Variants in UTP25 observed in about 807,000 individuals in gnomAD.
UTP25 encodes U3 small nucleolar RNA-associated protein 25 homolog.
A neutral mutation model predicts 78.9 loss-of-function variants in UTP25; 50 were observed. The observed-to-expected ratio is 0.63, with a 90% confidence interval of 0.50 to 0.80. UTP25 has a LOEUF of 0.80. Among genes scored for constraint, UTP25 ranks in the 30% least tolerant of loss-of-function variants. The pLI, the probability that UTP25 is intolerant of heterozygous loss-of-function variation, is 0.00. For synonymous variants in UTP25, 329 were observed against 336.5 expected (o/e 0.98, Z 0.24); for missense variants, 846 against 911.3 (o/e 0.93, Z 0.92).
At chr1:209,846,776 C>G (rs2078199054) in intron 11 of UTP25, among the ~76,000 whole-genome samples, 1 of 152,236 alleles carries the variant, frequency 6.6e-6, no homozygotes, top group Admixed American at 6.5e-5. Flanking sequence ...GCCATGTTCT[C>G]TGTTGCCAGG....
At position 209,838,936 on chromosome 1, in the gene UTP25, G is replaced by A; in HGVS notation, c.1090G>A (p.Ala364Thr). The change falls in exon 7 of 12, where the codon GCT becomes ACT. Residue 364 changes from alanine to threonine, a missense_variant. Physicochemically the swap from Ala to Thr is moderately conservative, Grantham distance 58. Coordinates refer to ENST00000491415, the MANE Select transcript of UTP25 (RefSeq NM_014388.7). ...ACTGATAGTGGTGCCATTCCGGGAAGCTGCTTTGCGGGTGGTGCAGCTCTT... is the reference window on the plus strand; with the variant it reads ...ACTGATAGTGGTGCCATTCCGGGAAACTGCTTTGCGGGTGGTGCAGCTCTT... ...KVLIVVPFRE[A>T]ALRVVQLFIS... 1 of 1,614,130 alleles carries A rather than the reference G, an allele frequency of 6.2e-7. No individual in the cohort carries two copies. Among genetic ancestry groups the A allele is most frequent in the Middle Eastern group, 1.6e-4 (1 of 6,062 alleles).
rs1003239728 is a variant in UTP25, at chr1:209,828,229, C to T, written c.107+59C>T. 9 of 1,329,316 alleles carry T rather than the reference C, an allele frequency of 6.8e-6. No individual in the cohort carries two copies. The African/African-American group carries it at 7.2e-5, about 11-fold the overall frequency. 82.3% of individuals were successfully genotyped at this position (1,329,316 alleles called of 1,614,324 possible). A position where few individuals can be genotyped will look rare whatever the true frequency, so the allele number is the denominator to read the frequency against. ...CAGAGATGTATCCTCGAGTTTGGTC[C>T]TCTGGTCTCCCAGATAGTGCTGCTC... On this transcript the variant is annotated intron_variant, in intron 1 of 11. Coordinates refer to ENST00000491415, the MANE Select transcript of UTP25 (RefSeq NM_014388.7).
chr1:209,835,261 C>A, intron 5 of UTP25, 98 bp downstream of exon 5: 1 of 993,040 alleles, frequency 1.0e-6, no homozygotes, highest in Non-Finnish European at 1.6e-6. Flanking sequence ...ATGATATACA[C>A]CTGCAGTAGA....
At chr1:209,828,303 A>G (rs1346408388) in intron 1 of UTP25, 133 bp downstream of exon 1, 10 of 686,714 alleles carry the variant, frequency 1.5e-5, no homozygotes, top group Admixed American at 3.1e-5. Context: ...GGCCGGGGAG[A>G]TTCTGGCGCC....
At chr1:209,850,635 A>G (rs958990837) in intron 11 of UTP25, among the ~76,000 whole-genome samples, 1 of 152,212 alleles carries the variant, frequency 6.6e-6, no homozygotes, top group East Asian at 1.9e-4. Flanking sequence ...ATGGAAATGC[A>G]TACGCTGTTG....
intron 11 of UTP25, among the ~76,000 whole-genome samples, chr1:209,847,702 G>A (rs2102581508): frequency 6.6e-6 from 1 of 152,264 alleles, no homozygotes; most frequent in African/African-American, 2.4e-5. Flanking sequence ...ATCTAGTTTA[G>A]TTCTCAATTG....
Position 209,840,996 on chromosome 1 carries a change from G to A in UTP25, c.1426G>A (p.Glu476Lys), listed in dbSNP as rs775903986. The A allele has an allele frequency of 1.2e-5, 19 of 1,613,912 alleles. No homozygotes were observed. The highest frequency in any genetic ancestry group is 5.0e-5 in the Admixed American group (3 of 59,990). The change falls in exon 8 of 12, where the codon GAG (glutamate) becomes AAG (lysine). Residue 476 changes from glutamate to lysine, a missense_variant. Coordinates refer to ENST00000491415, the MANE Select transcript of UTP25 (RefSeq NM_014388.7). ...AGATTTTGACTTTCTGTCTTCTATC[G>A]AGCTTCTCATCATTGATCAAGCTGA... ...KRDFDFLSSI[E>K]LLIIDQADIY...
At chr1:209,837,259 A>G (rs200975503) in intron 6 of UTP25, 48 bp downstream of exon 6, 1 of 1,580,672 alleles carries the variant, frequency 6.3e-7, no homozygotes, top group East Asian at 2.2e-5. Flanking sequence ...GCTGCAAGGC[A>G]CTGCCATAGA....
chr1:209,835,410 C>T (rs1483992584), intron 5 of UTP25, among the ~76,000 whole-genome samples: 1 of 152,210 alleles, frequency 6.6e-6, no homozygotes, highest in Admixed American at 6.5e-5. Flanking sequence ...TGGAGACCAA[C>T]ATCTTCAAGG....
Position 209,856,611 on chromosome 1 carries a change from T to G in UTP25, c.*5164T>G, listed in dbSNP as rs1266049732. On this transcript the variant is annotated 3_prime_UTR_variant, in exon 12 of 12. Coordinates refer to ENST00000491415, the MANE Select transcript of UTP25 (RefSeq NM_014388.7). ...TTACGTGAACACACAAACACCTAAT[T>G]TGTTTAAGCCATTAGGCCAGGCCTC... 1 of 152,328 alleles carries G rather than the reference T, an allele frequency of 6.6e-6. No homozygotes were observed. Among genetic ancestry groups the G allele is most frequent in the South Asian group, 2.1e-4 (1 of 4,826 alleles). 9.4% of individuals were successfully genotyped at this position (152,328 alleles called of 1,614,324 possible).
rs771891452 is a variant in UTP25, at chr1:209,836,794, C to G, written c.652-7C>G. The G allele has an allele frequency of 6.3e-7, 1 of 1,583,732 alleles. No homozygotes were observed. On this transcript the variant is annotated splice_polypyrimidine_tract_variant and splice_region_variant and intron_variant, in intron 5 of 11. Transcript: ENST00000491415. Reference sequence around the variant, plus strand: ...CTAATTTGGCTCTTGATCTGTTTCTCCCCTAGTGGCCTATTCTGGGCCAGC... The same window carrying G: ...CTAATTTGGCTCTTGATCTGTTTCTGCCCTAGTGGCCTATTCTGGGCCAGC...
intron 11 of UTP25, among the ~76,000 whole-genome samples, chr1:209,850,921 T>G (rs1377166631): frequency 1.3e-5 from 2 of 152,230 alleles, no homozygotes; most frequent in African/African-American, 4.8e-5. Flanking sequence ...CTACTATTCT[T>G]TCCCATGATA....
Position 209,849,504 on chromosome 1 carries a change from C to T in UTP25, c.2028-1700C>T, listed in dbSNP as rs533319378. ...CAAGTGGTTTGCCTTTGCCTGCCTG[C>T]GATTAGGGGTGGGGGACAGGGTGGC... is the stretch of plus-strand genomic sequence containing the variant. On this transcript the variant is annotated intron_variant, in intron 11 of 11. Coordinates refer to ENST00000491415, the MANE Select transcript of UTP25 (RefSeq NM_014388.7). Among the ~76,000 whole-genome samples, 13 of 152,146 alleles carry T rather than the reference C, an allele frequency of 8.5e-5. No individual in the cohort carries two copies. The East Asian group carries it at 2.5e-3, about 30-fold the overall frequency.
rs752557867 is a variant in UTP25, at chr1:209,851,424, C to G, written c.2248C>G (p.Leu750Val). Residue 750 changes from leucine to valine, a missense_variant, in exon 12 of 12, where the codon CTC becomes GTC. Coordinates refer to ENST00000491415, the MANE Select transcript of UTP25 (RefSeq NM_014388.7). ...GCTACAGTCCAACAAGAATGTCCAC[C>G]TCTTCATTACTGGAGAAAAATGAAA... ...QMLQSNKNVH[L>V]FITGEK The G allele has an allele frequency of 2.5e-6, 4 of 1,605,874 alleles. No homozygotes were observed. In the South Asian group the frequency reaches 4.5e-5, roughly 18 times the overall value.
intron 11 of UTP25, among the ~76,000 whole-genome samples, chr1:209,845,185 T>C (rs2078191013): frequency 6.6e-6 from 1 of 152,078 alleles, no homozygotes; most frequent in African/African-American, 2.4e-5. Flanking sequence ...TCTTAGAGAG[T>C]TGAGGATTGA....
chr1:209,830,919 A>T lies in UTP25; in HGVS notation c.264A>T (p.Glu88Asp). 1 of 1,613,938 alleles carries T rather than the reference A, an allele frequency of 6.2e-7. No individual in the cohort carries two copies. The highest frequency in any genetic ancestry group is 8.5e-7 in the Non-Finnish European group (1 of 1,179,788). ...TLKNVSEEEE[E>D]DEEEEEEEDS... ...AGAATGTTTCTGAGGAAGAAGAGGA[A>T]GATGAGGAGGAGGAAGAGGAAGAAG... Residue 88 changes from glutamate (E) to aspartate (D), a missense_variant, in exon 3 of 12, where the codon GAA becomes GAT. By Grantham distance (45) the Glu-to-Asp change is conservative (BLOSUM62 2). Coordinates refer to ENST00000491415, the MANE Select transcript of UTP25 (RefSeq NM_014388.7).
chr1:209,830,069 A>G lies in UTP25; in HGVS notation c.108-39A>G, dbSNP rs372765688. ...TTTGACCTTTTCCTAATTTCTACAT[A>G]CTAGTAGTTAGAATGTAACATTGCC... On this transcript the variant is annotated intron_variant, in intron 1 of 11. Coordinates refer to ENST00000491415, the MANE Select transcript of UTP25 (RefSeq NM_014388.7). 75 of 1,570,898 alleles carry G rather than the reference A, an allele frequency of 4.8e-5. No homozygotes were observed. In the African/African-American group the frequency reaches 9.5e-4, roughly 20 times the overall value.
intron 7 of UTP25, among the ~76,000 whole-genome samples, chr1:209,839,924 G>A (rs766027487): frequency 5.9e-5 from 9 of 152,204 alleles, no homozygotes; most frequent in Non-Finnish European, 5.9e-5. Context: ...GGAAGATGTC[G>A]TGGTGGAGGT....
chr1:209,848,609 A>G (rs1271862171), intron 11 of UTP25, among the ~76,000 whole-genome samples: 1 of 152,206 alleles, frequency 6.6e-6, no homozygotes, highest in Non-Finnish European at 1.5e-5. Context: ...GTACACAGTT[A>G]AAAATGTGTC....
Sources: gnomAD v4.1 joint callset for allele counts (sites outside exome capture counted in the v4.1 genomes callset) on GRCh38, gnomAD v4.1.1 for gene constraint, MANE v1.5 for transcripts, NCBI Gene and HGNC (gene_info 2026-07-23, HGNC 2026-07-21) for gene names.